Variants in NRK observed in about 807,000 individuals in gnomAD.
The protein encoded by NRK is Nik related kinase, also known as nik-related protein kinase.
NRK carries 67 observed loss-of-function variants against 125.2 expected under a neutral mutation model. The observed-to-expected ratio is 0.54, with a 90% CI of 0.44 to 0.66. NRK has a LOEUF of 0.66. NRK is among the 30% of genes least tolerant of loss of function. NRK has a pLI of 0.00. For missense variants in NRK, 1,224 were observed against 1,192.9 expected, an observed-to-expected ratio of 1.03 and a Z score of -0.38; for synonymous variants, 458 against 429.0, an observed-to-expected ratio of 1.07 and a Z score of -0.84.
chrX:105,930,191 G>A, intron 19 of NRK, among the ~76,000 whole-genome samples: 1 of 110,338 alleles, frequency 9.1e-6, no homozygotes, highest in Non-Finnish European at 1.9e-5. Context: ...CATCCTTCTG[G>A]AACCCCCATA....
chrX:105,899,782 C>G (rs1280154007), intron 8 of NRK, among the ~76,000 whole-genome samples: 1 of 111,005 alleles, frequency 9.0e-6, no homozygotes, highest in African/African-American at 3.3e-5. Flanking sequence ...ACCTGGCCAA[C>G]ATGGCGAAAT....
At chrX:105,897,115 TCTA>T (rs2040095306) in intron 7 of NRK, among the ~76,000 whole-genome samples, 1 of 112,436 alleles carries the variant, frequency 8.9e-6, no homozygotes, top group South Asian at 3.7e-4. Flanking sequence ...GGAGAGACCT[TCTA>T]CTGCTGGATT....
intron 2 of NRK, among the ~76,000 whole-genome samples, chrX:105,874,948 A>G (rs770400009): frequency 1.8e-5 from 2 of 111,806 alleles, no homozygotes; most frequent in Non-Finnish European, 3.8e-5. Flanking sequence ...GTTCATCTTA[A>G]TTACTATATT....
intron 19 of NRK, among the ~76,000 whole-genome samples, chrX:105,930,585 G>C (rs770445437): frequency 9.1e-6 from 1 of 110,092 alleles, no homozygotes; most frequent in East Asian, 2.9e-4. Flanking sequence ...TTTTCTGTTG[G>C]GTCTGCTACT....
chrX:105,865,867 G>A (rs1239704115), intron 2 of NRK, among the ~76,000 whole-genome samples: 1 of 109,655 alleles, frequency 9.1e-6, no homozygotes, highest in Non-Finnish European at 1.9e-5. Context: ...GCCATTTGTC[G>A]GTCAGCTCAG....
intron 23 of NRK, among the ~76,000 whole-genome samples, chrX:105,941,541 C>T: frequency 1.1e-5 from 1 of 87,384 alleles, no homozygotes; most frequent in African/African-American, 4.9e-5. Flanking sequence ...AAGCTAGACC[C>T]AGAGAGAGAC....
chrX:105,957,475 AT>A lies in NRK; in HGVS notation c.*1881del, dbSNP rs1222249896. On this transcript the variant is annotated 3_prime_UTR_variant, in exon 29 of 29. Coordinates refer to ENST00000243300, the MANE Select transcript of NRK (RefSeq NM_198465.4). ...GTAGAATCAAGTCTTTTAATAATTC[AT>A]TTTTTCTTCATAATATTTACTCAAA... The A allele has an allele frequency of 2.7e-5, 3 of 111,562 alleles. No homozygotes were observed. The highest frequency in any genetic ancestry group is 3.8e-5 in the Non-Finnish European group (2 of 53,061). The allele number at this position is 111,562 out of a possible 1,213,427, so 9.2% of individuals were successfully genotyped here.
chrX:105,947,460 A>AAAAG (rs1339829614), intron 26 of NRK, among the ~76,000 whole-genome samples: 4 of 56,895 alleles, frequency 7.0e-5, no homozygotes, highest in Non-Finnish European at 1.2e-4. Context: ...AAAAAAAAAA[A>AAAAG]AAAGAAAGAA....
chrX:105,946,395 C>A lies in NRK; in HGVS notation c.4284C>A (p.Ser1428Arg). The A allele has an allele frequency of 8.4e-7, 1 of 1,194,436 alleles. No individual in the cohort carries two copies. Among genetic ancestry groups the A allele is most frequent in the Non-Finnish European group, 1.1e-6 (1 of 879,820 alleles). Reference protein sequence around the residue: ...GSEKRLKIFFSSADGYHLIDA... With the variant: ...GSEKRLKIFFRSADGYHLIDA... ...AAAAAAGACTAAAGATTTTCTTCAG[C>A]TCAGCAGATGGATATCACCTCATCG... The change falls in exon 26 of 29, where the codon AGC (serine) becomes AGA (arginine). Residue 1428 changes from serine to arginine, a missense_variant. Coordinates refer to ENST00000243300, the MANE Select transcript of NRK (RefSeq NM_198465.4).
At chrX:105,871,985 C>T (rs2039754036) in intron 2 of NRK, among the ~76,000 whole-genome samples, 1 of 111,425 alleles carries the variant, frequency 9.0e-6, no homozygotes, top group African/African-American at 3.3e-5. Context: ...TTATAGAAGC[C>T]TTTGTTGATC....
At chrX:105,841,424 A>C (rs895967275) in intron 2 of NRK, among the ~76,000 whole-genome samples, 3 of 111,921 alleles carry the variant, frequency 2.7e-5, no homozygotes, top group Non-Finnish European at 5.7e-5. Context: ...TGAAGTGGGA[A>C]TTTTGTGTTA....
chrX:105,941,405 A>C (rs1346516961), intron 23 of NRK, among the ~76,000 whole-genome samples: 1 of 111,333 alleles, frequency 9.0e-6, no homozygotes, highest in Non-Finnish European at 1.9e-5. Context: ...AACTGTCACC[A>C]ATTACTACCC....
At chrX:105,831,965 C>CT (rs1427672284) in intron 2 of NRK, among the ~76,000 whole-genome samples, 1 of 111,524 alleles carries the variant, frequency 9.0e-6, no homozygotes, top group Non-Finnish European at 1.9e-5. Flanking sequence ...CTAGTCATCA[C>CT]TTAAATTATA....
chrX:105,937,456 G>A lies in NRK; in HGVS notation c.3673G>A (p.Gly1225Arg), dbSNP rs755738762. Residue 1225 changes from glycine to arginine, a missense_variant, in exon 22 of 29, where the codon GGA (glycine) becomes AGA (arginine). Physicochemically the swap from Gly to Arg is moderately radical, Grantham distance 125. Transcript: ENST00000243300. The part of the protein sequence containing the change: ...GSLWGVNLLL[G>R]TRSNLYLMDR... ...ATGAACAGGAGTCAATTTGCTGTTG[G>A]GAACCCGATCTAATCTATATCTGAT... 5.9e-6 allele frequency: 7 copies of A among 1,188,408 alleles called. No individual in the cohort carries two copies. The highest frequency in any genetic ancestry group is 8.0e-6 in the Non-Finnish European group (7 of 879,826).
chrX:105,899,206 A>G (rs888437225), intron 8 of NRK, among the ~76,000 whole-genome samples: 4 of 112,373 alleles, frequency 3.6e-5, no homozygotes, highest in African/African-American at 9.7e-5. Flanking sequence ...TAATAGACAA[A>G]TTAAGTAACA....
intron 2 of NRK, among the ~76,000 whole-genome samples, chrX:105,846,147 A>T (rs1274000649): frequency 9.0e-6 from 1 of 111,656 alleles, no homozygotes; most frequent in Non-Finnish European, 1.9e-5. Context: ...TCAATCAATG[A>T]TATTAATTTT....
intron 27 of NRK, among the ~76,000 whole-genome samples, chrX:105,952,400 G>A (rs1006541838): frequency 8.9e-6 from 1 of 111,961 alleles, no homozygotes; most frequent in African/African-American, 3.2e-5. Context: ...GGCAATTATT[G>A]TCATAATCTA....
chrX:105,917,136 C>T (rs1330913650), intron 15 of NRK, among the ~76,000 whole-genome samples: 5 of 110,545 alleles, frequency 4.5e-5, no homozygotes, highest in Admixed American at 9.7e-5. Context: ...CGGAATGGGA[C>T]GTTAAAAACA....
intron 3 of NRK, 140 bp from the exon 4 acceptor site, chrX:105,881,568 T>C (rs764668799): frequency 2.6e-6 from 1 of 378,996 alleles, no homozygotes; most frequent in Non-Finnish European, 4.6e-6. Flanking sequence ...TTTTTTAAAT[T>C]AAAACTATTG....
Sources: gnomAD v4.1 joint callset for allele counts (sites outside exome capture counted in the v4.1 genomes callset) on GRCh38, gnomAD v4.1.1 for gene constraint, MANE v1.5 for transcripts, NCBI Gene and HGNC (gene_info 2026-07-23, HGNC 2026-07-21) for gene names.